Variants in ST8SIA4 observed in about 807,000 individuals in gnomAD.
The protein encoded by ST8SIA4 is ST8 alpha-N-acetyl-neuraminide alpha-2,8-sialyltransferase 4, also known as CMP-N-acetylneuraminate-poly-alpha-2,8-sialyltransferase.
A neutral mutation model predicts 33.9 loss-of-function variants in ST8SIA4; 15 were observed. The observed-to-expected ratio is 0.44, with a 90% CI of 0.30 to 0.68. The LOEUF is 0.68. Among genes scored for constraint, ST8SIA4 ranks in the 30% least tolerant of loss-of-function variants. ST8SIA4 has a pLI of 0.10. For missense variants in ST8SIA4, 321 were observed against 428.0 expected, an observed-to-expected ratio of 0.75 and a Z score of 2.21; for synonymous variants, 171 against 151.2, an observed-to-expected ratio of 1.13 and a Z score of -0.96.
chr5:100,895,900 C>A, intron 1 of ST8SIA4, 115 bp from the exon 2 acceptor site: 1 of 1,146,214 alleles, frequency 8.7e-7, no homozygotes. Flanking sequence ...TTTTCCCCTA[C>A]AAGTTAGAAG....
At position 100,811,325 on chromosome 5, in the gene ST8SIA4, AAAAACATAAATT is replaced by A. The variant is rs1183264115; in HGVS notation, c.*510_*521del. 1 of 152,474 alleles carries A rather than the reference AAAAACATAAATT, an allele frequency of 6.6e-6. No individual in the cohort carries two copies. Among genetic ancestry groups the A allele is most frequent in the African/African-American group, 2.4e-5 (1 of 41,336 alleles). 9.4% of individuals were successfully genotyped at this position (152,474 alleles called of 1,614,324 possible). A position where few individuals can be genotyped will look rare whatever the true frequency, so the allele number is the denominator to read the frequency against. ...CAAAAGAGATTCCAGAAGACAAAAA[AAAAACATAAATT>A]AAAACATAAAATTCATGATCAGACT... On this transcript the variant is annotated 3_prime_UTR_variant, in exon 5 of 5. Coordinates refer to ENST00000231461, the MANE Select transcript of ST8SIA4 (RefSeq NM_005668.6).
intron 3 of ST8SIA4, chr5:100,885,437 A>G: frequency 3.2e-6 from 3 of 935,344 alleles, no homozygotes; most frequent in Non-Finnish European, 3.8e-6. Flanking sequence ...GACTTTATTT[A>G]AAAATATTCA....
chr5:100,810,688 G>T lies in ST8SIA4; in HGVS notation c.*1159C>A, dbSNP rs966980335. On this transcript the variant is annotated 3_prime_UTR_variant, in exon 5 of 5. Transcript: ENST00000231461. ...ATATTATTTTCATGAAAGAAAAATGGTTTGCTGTGTAGAAACACAAGTGTA... is the reference window on the plus strand; with the variant it reads ...ATATTATTTTCATGAAAGAAAAATGTTTTGCTGTGTAGAAACACAAGTGTA... 1.3e-5 allele frequency: 2 copies of T among 152,476 alleles called. No individual in the cohort carries two copies. The highest frequency in any genetic ancestry group is 6.5e-5 in the Admixed American group (1 of 15,276). 9.4% of individuals were successfully genotyped at this position (152,476 alleles called of 1,614,324 possible).
intron 4 of ST8SIA4, among the ~76,000 whole-genome samples, chr5:100,850,448 T>TA (rs951968572): frequency 7.8e-4 from 115 of 146,670 alleles, no homozygotes; most frequent in Non-Finnish European, 1.2e-3. Flanking sequence ...AAGTAAAAAT[T>TA]AAAAAAAAAA....
At chr5:100,852,449 A>G (rs1465387652) in intron 4 of ST8SIA4, among the ~76,000 whole-genome samples, 1 of 145,040 alleles carries the variant, frequency 6.9e-6, no homozygotes, top group Non-Finnish European at 1.5e-5. Flanking sequence ...TTATTAAAAA[A>G]AAAAAATACA....
chr5:100,866,226 C>T (rs1752057172), intron 3 of ST8SIA4, among the ~76,000 whole-genome samples: 6 of 152,240 alleles, frequency 3.9e-5, no homozygotes, highest in Admixed American at 2.6e-4. Context: ...TTAGTTTCTT[C>T]TACCAGACTA....
rs561050174 is a variant in ST8SIA4, at chr5:100,823,164, A to AAACAAAC, written c.798-11036_798-11035insGTTTGTT. On this transcript the variant is annotated intron_variant, in intron 4 of 4. Transcript: ENST00000231461. ...ACAAACAAACAAACAAACAAACAAA[A>AAACAAAC]AAACCCCACCAAAACCAAGACGGTG... Among the ~76,000 whole-genome samples the AAACAAAC allele has an allele frequency of 4.7e-3, 652 of 138,362 alleles. 2 individuals carry two copies. The highest frequency in any genetic ancestry group is 0.015 in the Middle Eastern group (4 of 270). 90.8% of individuals were successfully genotyped at this position (138,362 alleles called of 152,430 possible).
At chr5:100,886,631 T>C (rs1386121954) in intron 2 of ST8SIA4, 31 bp from the exon 3 acceptor site, 1 of 1,561,964 alleles carries the variant, frequency 6.4e-7, no homozygotes, top group Non-Finnish European at 8.8e-7. Flanking sequence ...AAGTTTTACA[T>C]TACCATCAGC....
At chr5:100,855,281 C>A (rs895042202) in intron 4 of ST8SIA4, among the ~76,000 whole-genome samples, 1 of 152,132 alleles carries the variant, frequency 6.6e-6, no homozygotes, top group Non-Finnish European at 1.5e-5. Flanking sequence ...TCTTTGTGAA[C>A]CTGAGGGACA....
intron 4 of ST8SIA4, among the ~76,000 whole-genome samples, chr5:100,830,707 T>C (rs1287495926): frequency 1.3e-5 from 2 of 152,230 alleles, no homozygotes; most frequent in African/African-American, 4.8e-5. Flanking sequence ...TGGCAACTGA[T>C]TATTGTATAA....
At chr5:100,859,125 C>T (rs926141707) in intron 3 of ST8SIA4, among the ~76,000 whole-genome samples, 20 of 152,204 alleles carry the variant, frequency 1.3e-4, no homozygotes, top group African/African-American at 4.8e-4. Flanking sequence ...AGCTGTGTTG[C>T]ACTCCAGCAA....
chr5:100,842,448 CAA>C (rs2112425125), intron 4 of ST8SIA4, among the ~76,000 whole-genome samples: 1 of 151,742 alleles, frequency 6.6e-6, no homozygotes, highest in South Asian at 2.1e-4. Context: ...AAAACAAAAA[CAA>C]AAACAAAAGT....
At chr5:100,813,192 T>C (rs1304470798) in intron 4 of ST8SIA4, among the ~76,000 whole-genome samples, 1 of 152,042 alleles carries the variant, frequency 6.6e-6, no homozygotes, top group Non-Finnish European at 1.5e-5. Context: ...CCAGGGGAGA[T>C]AAAATACATC....
chr5:100,851,106 T>C (rs1406204483), intron 4 of ST8SIA4, among the ~76,000 whole-genome samples: 4 of 151,532 alleles, frequency 2.6e-5, no homozygotes, highest in African/African-American at 9.7e-5. Flanking sequence ...ATTACAGGCA[T>C]GCGCCACCAT....
intron 3 of ST8SIA4, among the ~76,000 whole-genome samples, chr5:100,861,973 T>G (rs1751955532): frequency 6.6e-6 from 1 of 152,226 alleles, no homozygotes; most frequent in Admixed American, 6.5e-5. Context: ...TGCTCTTTCC[T>G]TTTACAATCT....
intron 4 of ST8SIA4, among the ~76,000 whole-genome samples, chr5:100,839,477 AT>A (rs1751431238): frequency 6.6e-6 from 1 of 151,936 alleles, no homozygotes; most frequent in Non-Finnish European, 1.5e-5. Context: ...TTGAAATCCT[AT>A]TTTAGAATTA....
chr5:100,821,642 A>T (rs1318939527), intron 4 of ST8SIA4, among the ~76,000 whole-genome samples: 1 of 106,942 alleles, frequency 9.4e-6, no homozygotes, highest in East Asian at 3.3e-4. Flanking sequence ...TCTATATTCC[A>T]TTGAATAATG....
chr5:100,900,499 T>C (rs1412899908), intron 1 of ST8SIA4: 3 of 456,074 alleles, frequency 6.6e-6, no homozygotes, highest in Middle Eastern at 3.3e-4. Context: ...TGAGCTCGGG[T>C]CACAAGCTTT....
chr5:100,871,165 T>C (rs952950169), intron 3 of ST8SIA4, among the ~76,000 whole-genome samples: 4 of 149,236 alleles, frequency 2.7e-5, no homozygotes, highest in African/African-American at 1.0e-4. Flanking sequence ...AAATAAGATA[T>C]TTTTTTTCTG....
Sources: allele counts gnomAD v4.1 joint callset (sites outside exome capture counted in the v4.1 genomes callset), GRCh38; gene constraint gnomAD v4.1.1; transcripts MANE v1.5; gene names NCBI Gene and HGNC (gene_info 2026-07-23, HGNC 2026-07-21).